Variants in TMEM196 observed in about 807,000 individuals in gnomAD.
TMEM196 encodes transmembrane protein 196.
TMEM196 carries 17 observed loss-of-function variants against 20.0 expected under a neutral mutation model. The observed-to-expected ratio is 0.85, with a 90% CI of 0.58 to 1.27. The LOEUF (loss-of-function observed/expected upper bound fraction) is 1.27, where lower values mean the gene tolerates loss of function less well. Among genes scored for constraint, TMEM196 ranks in the 50% most tolerant of loss-of-function variants. TMEM196 has a pLI of 0.00. For missense variants in TMEM196, 267 were observed against 223.0 expected (o/e 1.20, Z -1.26); for synonymous variants, 113 against 88.9 (o/e 1.27, Z -1.52).
At chr7:19,772,140 T>C (rs2040803) in intron 1 of TMEM196, among the ~76,000 whole-genome samples, 9,117 of 152,092 alleles carry the variant, frequency 0.06, 407 homozygotes, top group African/African-American at 0.12. Context: ...AATGATGGAA[T>C]ACTCTTATTT....
intron 1 of TMEM196, among the ~76,000 whole-genome samples, chr7:19,734,092 A>G (rs547933988): frequency 6.6e-6 from 1 of 152,110 alleles, no homozygotes; most frequent in Admixed American, 6.5e-5. Flanking sequence ...AATTTCCAGC[A>G]CATAAGCACA....
intron 1 of TMEM196, among the ~76,000 whole-genome samples, chr7:19,761,930 T>C (rs1253566686): frequency 2.0e-5 from 3 of 152,362 alleles, no homozygotes; most frequent in South Asian, 4.1e-4. Flanking sequence ...TCAGTGTTCA[T>C]GTAATGAAGC....
At chr7:19,753,729 A>G (rs1435556284) in intron 1 of TMEM196, among the ~76,000 whole-genome samples, 3 of 152,176 alleles carry the variant, frequency 2.0e-5, no homozygotes, top group Non-Finnish European at 2.9e-5. Flanking sequence ...AAGGCTTCAA[A>G]TCCTATAGTC....
intron 1 of TMEM196, among the ~76,000 whole-genome samples, chr7:19,754,817 C>A (rs561539276): frequency 1.3e-5 from 2 of 152,336 alleles, no homozygotes; most frequent in African/African-American, 4.8e-5. Context: ...AATTGTGAAT[C>A]TCTCCCAGCT....
At chr7:19,759,818 A>G (rs1197655744) in intron 1 of TMEM196, among the ~76,000 whole-genome samples, 4 of 152,204 alleles carry the variant, frequency 2.6e-5, no homozygotes, top group African/African-American at 7.2e-5. Context: ...ACAAGGTCTT[A>G]TCAAGTAACT....
In TMEM196 at chr7:19,721,944, T is replaced by C. The variant is rs763765522; in HGVS notation, c.*184A>G. 1.0e-4 allele frequency: 78 copies of C among 776,866 alleles called. No individual in the cohort carries two copies. Among genetic ancestry groups the C allele is most frequent in the Non-Finnish European group, 1.4e-4 (71 of 495,554 alleles). The allele number at this position is 776,866 out of a possible 1,614,324, so 48.1% of individuals were successfully genotyped here. A position where few individuals can be genotyped will look rare whatever the true frequency, so the allele number is the denominator to read the frequency against. ...GAAACCAGTGAGGCAATATATTTTT[T>C]AGGAAGAATAATTTTAGTGGATGCT... On this transcript the variant is annotated 3_prime_UTR_variant, in exon 5 of 5. Coordinates refer to ENST00000405844, the MANE Select transcript of TMEM196 (RefSeq NM_001363562.2).
chr7:19,720,098 T>A lies in TMEM196; in HGVS notation c.*2030A>T, dbSNP rs1783765643. The A allele has an allele frequency of 6.6e-6, 1 of 152,082 alleles. No homozygotes were observed. The highest frequency in any genetic ancestry group is 2.1e-4 in the South Asian group (1 of 4,832). The allele number at this position is 152,082 out of a possible 1,614,324, so 9.4% of individuals were successfully genotyped here. ...ACACACAAATATCTTCATGATGTAA[T>A]TTAGATTTTCATTGGCAAAGATCAT... is the stretch of plus-strand genomic sequence containing the variant. On this transcript the variant is annotated 3_prime_UTR_variant, in exon 5 of 5. Coordinates refer to ENST00000405844, the MANE Select transcript of TMEM196 (RefSeq NM_001363562.2).
intron 1 of TMEM196, among the ~76,000 whole-genome samples, chr7:19,734,666 C>A (rs1409050936): frequency 6.6e-6 from 1 of 152,178 alleles, no homozygotes; most frequent in African/African-American, 2.4e-5. Flanking sequence ...TAGGTGACCT[C>A]TGGGCACTGG....
intron 4 of TMEM196, among the ~76,000 whole-genome samples, chr7:19,723,742 A>G (rs1783890358): frequency 6.6e-6 from 1 of 152,188 alleles, no homozygotes; most frequent in South Asian, 2.1e-4. Flanking sequence ...TTGTTTGAGC[A>G]AACCAAGAAC....
At chr7:19,736,785 T>C (rs1214562916) in intron 1 of TMEM196, among the ~76,000 whole-genome samples, 1 of 151,920 alleles carries the variant, frequency 6.6e-6, no homozygotes, top group Non-Finnish European at 1.5e-5. Flanking sequence ...GTTCAAAACA[T>C]AAGGTCAAAG....
rs1775730319 is a variant in TMEM196 at position 19,772,684 on chromosome 7, C to T, written c.13G>A (p.Gly5Ser). The T allele has an allele frequency of 6.6e-7, 1 of 1,520,846 alleles. No homozygotes were observed. 94.2% of individuals were successfully genotyped at this position (1,520,846 alleles called of 1,614,324 possible). MCTS[G>S]QIIGSLLVLS... Reference sequence around the variant, plus strand: ...ACCAAGAGGCTCCCAATAATCTGACCGCTGGTGCACATCCTTCCTCGGTCA... The same window carrying T: ...ACCAAGAGGCTCCCAATAATCTGACTGCTGGTGCACATCCTTCCTCGGTCA... The change falls in exon 1 of 5, where the codon GGT (glycine) becomes AGT (serine). Residue 5 changes from glycine to serine, a missense_variant. Transcript: ENST00000405844.
intron 1 of TMEM196, among the ~76,000 whole-genome samples, chr7:19,733,743 G>A (rs940661037): frequency 1.3e-5 from 2 of 151,886 alleles, no homozygotes; most frequent in African/African-American, 2.4e-5. Context: ...AGAGGACATT[G>A]ACCATTGGAG....
chr7:19,732,740 C>A (rs949587025), intron 1 of TMEM196, among the ~76,000 whole-genome samples: 1 of 151,720 alleles, frequency 6.6e-6, no homozygotes, highest in Non-Finnish European at 1.5e-5. Flanking sequence ...TATGATATAA[C>A]TTCTGATGTA....
At chr7:19,733,004 T>C (rs1784268398) in intron 1 of TMEM196, among the ~76,000 whole-genome samples, 1 of 152,192 alleles carries the variant, frequency 6.6e-6, no homozygotes, top group African/African-American at 2.4e-5. Context: ...AAATATGATT[T>C]TATTTGTGAG....
In TMEM196 at chr7:19,747,978, A is replaced by G. The variant is rs567656166; in HGVS notation, c.148-18540T>C. 2.8e-4 allele frequency among the ~76,000 whole-genome samples: 43 copies of G among 152,310 alleles called. 1 individual carries two copies. The highest frequency in any genetic ancestry group is 1.0e-3 in the African/African-American group (43 of 41,556). On this transcript the variant is annotated intron_variant, in intron 1 of 4. Coordinates refer to ENST00000405844, the MANE Select transcript of TMEM196 (RefSeq NM_001363562.2). The stretch of plus-strand genomic sequence containing the variant: ...AGCTCCCAATTAATTAACAACTAAA[A>G]TATTGATCGTTACCTCTAACTGGGA...
In TMEM196 at chr7:19,772,857, G is replaced by A. The variant is rs550017198; in HGVS notation, c.-161C>T. On this transcript the variant is annotated 5_prime_UTR_variant, in exon 1 of 5. Coordinates refer to ENST00000405844, the MANE Select transcript of TMEM196 (RefSeq NM_001363562.2). ...CCACAAGGGCTGGATTTCCAGAAACGAAGACCTTCCCTGGCTGGGCCAGAG... is the reference window on the plus strand; with the variant it reads ...CCACAAGGGCTGGATTTCCAGAAACAAAGACCTTCCCTGGCTGGGCCAGAG... 6 of 651,332 alleles carry A rather than the reference G, an allele frequency of 9.2e-6. No homozygotes were observed. In the Admixed American group the frequency reaches 1.2e-4, roughly 13 times the overall value. The allele number at this position is 651,332 out of a possible 1,614,324, so 40.3% of individuals were successfully genotyped here. A position where few individuals can be genotyped will look rare whatever the true frequency, so the allele number is the denominator to read the frequency against.
chr7:19,722,397 C>CTCTT (rs960389552), intron 4 of TMEM196, among the ~76,000 whole-genome samples: 9 of 152,100 alleles, frequency 5.9e-5, no homozygotes, highest in African/African-American at 2.2e-4. Context: ...CCTGAGTTTC[C>CTCTT]TCTTTCTTTC....
chr7:19,771,821 C>A (rs1347904948), intron 1 of TMEM196, among the ~76,000 whole-genome samples: 1 of 152,156 alleles, frequency 6.6e-6, no homozygotes, highest in African/African-American at 2.4e-5. Flanking sequence ...ATGACAGTTT[C>A]TCTGAGCAGT....
intron 1 of TMEM196, among the ~76,000 whole-genome samples, chr7:19,766,290 G>GTAGTCACAC (rs1433599691): frequency 6.6e-6 from 1 of 152,100 alleles, no homozygotes; most frequent in African/African-American, 2.4e-5. Flanking sequence ...ACAGGGGAAA[G>GTAGTCACAC]TAGTCACACA....
Sources: allele counts gnomAD v4.1 joint callset (sites outside exome capture counted in the v4.1 genomes callset), GRCh38; gene constraint gnomAD v4.1.1; transcripts MANE v1.5; gene names NCBI Gene and HGNC (gene_info 2026-07-23, HGNC 2026-07-21).